The following PTPRD variants were observed in gnomAD, a reference collection of about 807,000 sequenced individuals.
PTPRD encodes receptor-type tyrosine-protein phosphatase delta.
Under a neutral mutation model 214.5 loss-of-function variants are expected in PTPRD, and 34 were observed. The ratio of observed to expected loss-of-function variants is 0.16; its 90% CI spans 0.12 to 0.21. The LOEUF (loss-of-function observed/expected upper bound fraction) is 0.21, where lower values mean the gene tolerates loss of function less well. Ranked by LOEUF, PTPRD falls within the 10% of genes least tolerant of loss-of-function variation. The pLI, the probability that PTPRD is intolerant of heterozygous loss-of-function variation, is 1.00. For synonymous variants in PTPRD, 1,128 were observed against 845.7 expected (o/e 1.33, Z -5.79); for missense variants, 2,545 against 2,398.7 (o/e 1.06, Z -1.27).
intron 24 of PTPRD, among the ~76,000 whole-genome samples, chr9:8,500,466 T>C (rs1245804666): frequency 6.9e-6 from 1 of 144,886 alleles, no homozygotes; most frequent in Non-Finnish European, 1.5e-5. Flanking sequence ...AGACTTTAGA[T>C]GGAGGCACAG....
At chr9:9,638,440 T>G (rs1180489934) in intron 7 of PTPRD, among the ~76,000 whole-genome samples, 1 of 152,216 alleles carries the variant, frequency 6.6e-6, no homozygotes, top group East Asian at 1.9e-4. Context: ...TTATCCAGTT[T>G]TAAATATCCT....
intron 4 of PTPRD, among the ~76,000 whole-genome samples, chr9:10,030,160 C>A (rs771011735): frequency 2.0e-5 from 3 of 152,124 alleles, no homozygotes; most frequent in Admixed American, 1.3e-4. Context: ...TAAATTGCCA[C>A]AGTCACAGGT....
At chr9:9,784,888 C>T (rs949467687) in intron 5 of PTPRD, among the ~76,000 whole-genome samples, 2 of 147,876 alleles carry the variant, frequency 1.4e-5, no homozygotes, top group Non-Finnish European at 3.0e-5. Flanking sequence ...ACGCACACAC[C>T]TATACACACA....
At chr9:9,639,633 G>C (rs2095873725) in intron 7 of PTPRD, among the ~76,000 whole-genome samples, 1 of 152,038 alleles carries the variant, frequency 6.6e-6, no homozygotes, top group African/African-American at 2.4e-5. Context: ...TTGTATATGA[G>C]ACTTATTCTG....
chr9:10,468,378 T>C (rs962863329), intron 2 of PTPRD, among the ~76,000 whole-genome samples: 2 of 152,124 alleles, frequency 1.3e-5, no homozygotes, highest in African/African-American at 4.8e-5. Flanking sequence ...GAAACCATCA[T>C]TCTCAGCAAA....
chr9:9,602,863 T>G (rs1326774), intron 7 of PTPRD, among the ~76,000 whole-genome samples: 9,779 of 152,236 alleles, frequency 0.064, 756 homozygotes, highest in African/African-American at 0.18. Flanking sequence ...TATGTCTATG[T>G]GAATGATTCA....
At chr9:9,686,496 T>C (rs923952584) in intron 7 of PTPRD, among the ~76,000 whole-genome samples, 1 of 151,430 alleles carries the variant, frequency 6.6e-6, no homozygotes, top group South Asian at 2.1e-4. Context: ...CATTATTCTA[T>C]GTAGATATTA....
chr9:10,015,268 A>T (rs1242285800), intron 4 of PTPRD, among the ~76,000 whole-genome samples: 1 of 152,148 alleles, frequency 6.6e-6, no homozygotes, highest in Admixed American at 6.5e-5. Context: ...TTTTTCAGCA[A>T]CAAAAATATG....
chr9:10,592,502 G>C (rs1219521214), intron 2 of PTPRD, among the ~76,000 whole-genome samples: 3 of 151,920 alleles, frequency 2.0e-5, no homozygotes, highest in Non-Finnish European at 2.9e-5. Context: ...CCAGCTACAG[G>C]TAATAGCCAT....
At chr9:9,059,429 T>G (rs1391768664) in intron 10 of PTPRD, among the ~76,000 whole-genome samples, 2 of 151,904 alleles carry the variant, frequency 1.3e-5, no homozygotes. Context: ...GTTAAGGATA[T>G]AGACAAAGAA....
chr9:8,688,057 G>T (rs2154378800), intron 12 of PTPRD, among the ~76,000 whole-genome samples: 1 of 152,238 alleles, frequency 6.6e-6, no homozygotes, highest in South Asian at 2.1e-4. Flanking sequence ...GAGTTATGTG[G>T]CTTAAAACAA....
At chr9:8,527,433 G>C (rs189085774) in intron 15 of PTPRD, 80 bp from the exon 16 acceptor site, 4 of 1,347,686 alleles carry the variant, frequency 3.0e-6, no homozygotes, top group East Asian at 4.7e-5. Flanking sequence ...AAATTTTTCA[G>C]AGTTAAAGCT....
rs545861488 is a variant in PTPRD, at chr9:10,447,632, C to G, written c.-599-106615G>C. 2.0e-5 allele frequency among the ~76,000 whole-genome samples: 3 copies of G among 151,948 alleles called. No homozygotes were observed. The South Asian group carries it at 6.2e-4, about 32-fold the overall frequency. On this transcript the variant is annotated intron_variant, in intron 2 of 45. Transcript: ENST00000381196. ...ATATACAAATATTTGTTTTTTATTT[C>G]TCAAATACAGACAGGAATACAGAAA... is the stretch of plus-strand genomic sequence containing the variant.
intron 7 of PTPRD, among the ~76,000 whole-genome samples, chr9:9,590,985 G>T (rs2092668453): frequency 6.6e-6 from 1 of 151,932 alleles, no homozygotes. Flanking sequence ...TAATTAGAAT[G>T]CCTTCTGTGG....
At chr9:8,943,596 C>T (rs1338748771) in intron 11 of PTPRD, among the ~76,000 whole-genome samples, 3 of 150,302 alleles carry the variant, frequency 2.0e-5, no homozygotes, top group Admixed American at 2.0e-4. Context: ...GATTTTTTAA[C>T]CAATTATATT....
At chr9:9,747,495 G>A (rs1042522994) in intron 6 of PTPRD, among the ~76,000 whole-genome samples, 2 of 151,248 alleles carry the variant, frequency 1.3e-5, no homozygotes, top group Admixed American at 6.6e-5. Context: ...ACTATTTGGG[G>A]AAAAATGGTG....
In PTPRD at chr9:9,970,879, G is replaced by A. The variant is rs1049306241; in HGVS notation, c.-471-32269C>T. On this transcript the variant is annotated intron_variant, in intron 4 of 45. Transcript: ENST00000381196. ...AACATGGCGCTAATTTAGACAATCT[G>A]CTTATTTTCCAAGGAACTGGTAGTT... Among the ~76,000 whole-genome samples, 3 of 152,064 alleles carry A rather than the reference G, an allele frequency of 2.0e-5. 1 individual carries two copies. In the South Asian group the frequency reaches 6.2e-4, roughly 32 times the overall value.
chr9:9,929,538 C>T (rs1226236340), intron 5 of PTPRD, among the ~76,000 whole-genome samples: 1 of 152,158 alleles, frequency 6.6e-6, no homozygotes, highest in East Asian at 1.9e-4. Flanking sequence ...GGACTACAGG[C>T]ATGTGCCACC....
intron 3 of PTPRD, among the ~76,000 whole-genome samples, chr9:10,238,225 A>G (rs1244089521): frequency 6.6e-6 from 1 of 151,596 alleles, no homozygotes; most frequent in Non-Finnish European, 1.5e-5. Context: ...ACGTTGCTTC[A>G]ATAATGTAAT....
Sources: gnomAD v4.1 joint callset for allele counts (sites outside exome capture counted in the v4.1 genomes callset) on GRCh38, gnomAD v4.1.1 for gene constraint, MANE v1.5 for transcripts, NCBI Gene and HGNC (gene_info 2026-07-23, HGNC 2026-07-21) for gene names.